The following F7 variants were observed in gnomAD, a reference collection of about 807,000 sequenced individuals.
F7 encodes the protein coagulation factor VII.
In F7, 38 loss-of-function variants were observed where a neutral mutation model predicts 47.5. The ratio of observed to expected loss-of-function variants is 0.80; its 90% CI spans 0.62 to 1.05. The LOEUF is 1.05. Among genes scored for constraint, F7 ranks in the 50% least tolerant of loss-of-function variants. The pLI is 0.00. For missense variants in F7, 575 were observed against 605.4 expected, an observed-to-expected ratio of 0.95 and a Z score of 0.53; for synonymous variants, 244 against 258.5, an observed-to-expected ratio of 0.94 and a Z score of 0.54.
chr13:113,110,438 G>C, intron 1 of F7: 1 of 451,370 alleles, frequency 2.2e-6, no homozygotes, highest in South Asian at 3.1e-5. Flanking sequence ...CGGCTTCCGC[G>C]CGTGCCCCCG....
chr13:113,107,919 G>A (rs2035999946), intron 1 of F7, among the ~76,000 whole-genome samples: 1 of 97,002 alleles, frequency 1.0e-5, no homozygotes, highest in Admixed American at 1.1e-4. Context: ...AGTGTCCCAG[G>A]GGCGTGGGTG....
Position 113,113,162 on chromosome 13 carries a change from A to C in F7, c.226-590A>C, listed in dbSNP as rs1595074739. Among the ~76,000 whole-genome samples, 2 of 152,034 alleles carry C rather than the reference A, an allele frequency of 1.3e-5. No individual in the cohort carries two copies. The highest frequency in any genetic ancestry group is 4.2e-4 in the South Asian group (2 of 4,806). The stretch of plus-strand genomic sequence containing the variant: ...ACTCAGGACACCTCATGCTCAAAGA[A>C]GCCTCACACTCACAGGAGGTCCAGC... On this transcript the variant is annotated intron_variant, in intron 2 of 7. Coordinates refer to ENST00000346342, the MANE Select transcript of F7 (RefSeq NM_019616.4). The surrounding 1 kb of genome is among the most constrained non-coding windows in gnomAD (Gnocchi z 4.1).
Position 113,113,706 on chromosome 13 carries a change from T to A in F7, c.226-46T>A. 6.3e-7 allele frequency: 1 copy of A among 1,580,558 alleles called. No individual in the cohort carries two copies. Among genetic ancestry groups the A allele is most frequent in the Non-Finnish European group, 8.7e-7 (1 of 1,149,368 alleles). On this transcript the variant is annotated intron_variant, in intron 2 of 7. Coordinates refer to ENST00000346342, the MANE Select transcript of F7 (RefSeq NM_019616.4). This position sits in a 1 kb window ranked among gnomAD's most constrained non-coding sequence, Gnocchi z 4.1. ...GTGTCCAGTGCTTACCGTTGGGTGC[T>A]CTGGTGAAGGTGCATCTCACGAGGC... is the stretch of plus-strand genomic sequence containing the variant.
intron 6 of F7, chr13:113,117,129 C>T (rs1296658815): frequency 1.3e-5 from 8 of 617,466 alleles, no homozygotes; most frequent in Non-Finnish European, 1.7e-5. Context: ...CGAGTTGTCA[C>T]GTCGTCCTCA....
intron 1 of F7, 151 bp downstream of exon 1, chr13:113,106,056 TC>T: frequency 1.6e-6 from 1 of 637,812 alleles, no homozygotes; most frequent in South Asian, 2.2e-5. Flanking sequence ...TTTCTTTCCT[TC>T]TAGAAACCAG....
chr13:113,106,641 G>A (rs1267636563), intron 1 of F7, among the ~76,000 whole-genome samples: 1 of 127,984 alleles, frequency 7.8e-6, no homozygotes, highest in Admixed American at 7.7e-5. Flanking sequence ...TGGGGATGGC[G>A]AGTGGGGCTG....
At chr13:113,106,230 G>C (rs1446867845) in intron 1 of F7, among the ~76,000 whole-genome samples, 3 of 139,124 alleles carry the variant, frequency 2.2e-5, no homozygotes, top group South Asian at 5.1e-4. Flanking sequence ...AGTGCAGGAA[G>C]TGCGCACAGG....
At chr13:113,106,870 A>G in intron 1 of F7, 1 of 1,606,582 alleles carries the variant, frequency 6.2e-7, no homozygotes, top group South Asian at 1.1e-5. Flanking sequence ...CCTCAGGAGG[A>G]GAAACACGGG....
At chr13:113,106,941 G>A (rs1156725926) in intron 1 of F7, 1 of 1,576,568 alleles carries the variant, frequency 6.3e-7, no homozygotes, top group Admixed American at 1.8e-5. Context: ...GTTTTGTCCT[G>A]GGGCCCAGTG....
chr13:113,116,736 C>G, intron 5 of F7, 30 bp from the exon 6 acceptor site: 1 of 1,502,180 alleles, frequency 6.7e-7, no homozygotes, highest in South Asian at 1.1e-5. Context: ...TCACAAATCT[C>G]TGCATCTTTC....
rs1431978936 is a variant in F7 at position 113,117,526 on chromosome 13, C to T, written c.669C>T (p.Thr223=). The T allele has an allele frequency of 6.2e-7, 1 of 1,614,190 alleles. No homozygotes were observed. ...AQLCGGTLIN[T]IWVVSAAHCF... ...TGTGTGGGGGGACCCTGATCAACAC[C>T]ATCTGGGTGGTCTCCGCGGCCCACT... is the stretch of plus-strand genomic sequence containing the variant. Residue 223 remains threonine, a synonymous_variant, in exon 7 of 8, where the codon ACC becomes ACT. Coordinates refer to ENST00000346342, the MANE Select transcript of F7 (RefSeq NM_019616.4).
At chr13:113,116,732 A>G (rs1193883745) in intron 5 of F7, 34 bp from the exon 6 acceptor site, 2 of 1,494,092 alleles carry the variant, frequency 1.3e-6, no homozygotes, top group Admixed American at 1.7e-5. Context: ...TCCCTCACAA[A>G]TCTCTGCATC....
Position 113,113,800 on chromosome 13 carries a change from C to G in F7, c.250+24C>G. 6.2e-7 allele frequency: 1 copy of G among 1,614,208 alleles called. No homozygotes were observed. Among genetic ancestry groups the G allele is most frequent in the Admixed American group, 1.7e-5 (1 of 60,034 alleles). On this transcript the variant is annotated intron_variant, in intron 3 of 7. Transcript: ENST00000346342. The surrounding 1 kb of genome is among the most constrained non-coding windows in gnomAD (Gnocchi z 4.1). ...TGGTGAGTGGATGATCACCACCAGT[C>G]CTGCCTGCAACCCTTCTCAGCTTAC... is the stretch of plus-strand genomic sequence containing the variant.
rs901757292 is a variant in F7 at position 113,117,418 on chromosome 13, A to G, written c.616-55A>G. The G allele has an allele frequency of 2.6e-5, 42 of 1,606,788 alleles. No homozygotes were observed. The Middle Eastern group carries it at 5.0e-4, about 19-fold the overall frequency. ...CTTGGCATGCCCGGGAGGGCGAGTC[A>G]TCAGAGAAACAATGACAGCAATGTG... is the stretch of plus-strand genomic sequence containing the variant. On this transcript the variant is annotated intron_variant, in intron 6 of 7. Coordinates refer to ENST00000346342, the MANE Select transcript of F7 (RefSeq NM_019616.4).
At chr13:113,116,219 A>G (rs1417074669) in intron 5 of F7, among the ~76,000 whole-genome samples, 3 of 152,204 alleles carry the variant, frequency 2.0e-5, no homozygotes, top group Admixed American at 2.0e-4. Flanking sequence ...CCAGCCTGGA[A>G]CGAATGGGCT....
intron 1 of F7, chr13:113,110,460 G>A (rs1456592996): frequency 3.9e-5 from 20 of 506,414 alleles, no homozygotes; most frequent in East Asian, 1.1e-4. Flanking sequence ...GCGCGCCCTC[G>A]GGATCAGCCC....
At chr13:113,107,016 T>C in intron 1 of F7, 1 of 1,292,294 alleles carries the variant, frequency 7.7e-7, no homozygotes, top group Non-Finnish European at 1.1e-6. Context: ...GCTACTGCAG[T>C]GCCCCCCAAG....
At position 113,108,308 on chromosome 13, in the gene F7, C is replaced by T. The variant is rs981058133; in HGVS notation, c.65-2382C>T. On this transcript the variant is annotated intron_variant, in intron 1 of 7. Coordinates refer to ENST00000346342, the MANE Select transcript of F7 (RefSeq NM_019616.4). ...GGGTGTCCCGGGAGTGTGGGTGTTCCGGAGGCGAGGGTGTCCCGGGAGTGT... is the reference window on the plus strand; with the variant it reads ...GGGTGTCCCGGGAGTGTGGGTGTTCTGGAGGCGAGGGTGTCCCGGGAGTGT... 3.1e-3 allele frequency among the ~76,000 whole-genome samples: 228 copies of T among 72,938 alleles called. 13 individuals carry two copies. Among genetic ancestry groups the T allele is most frequent in the South Asian group, 0.011 (17 of 1,506 alleles). 47.9% of individuals were successfully genotyped at this position (72,938 alleles called of 152,430 possible).
chr13:113,118,773 G>C lies in F7; in HGVS notation c.1100G>C (p.Cys367Ser). The C allele has an allele frequency of 6.2e-7, 1 of 1,613,234 alleles. No homozygotes were observed. Among genetic ancestry groups the C allele is most frequent in the South Asian group, 1.1e-5 (1 of 91,070 alleles). ...DSPNITEYMFCAGYSDGSKDS... is the reference protein window; with the variant it reads ...DSPNITEYMFSAGYSDGSKDS... ...CCAAATATCACGGAGTACATGTTCT[G>C]TGCCGGCTACTCGGATGGCAGCAAG... Residue 367 changes from cysteine to serine, a missense_variant, in exon 8 of 8, where the codon TGT becomes TCT. Transcript: ENST00000346342.
Sources: gnomAD v4.1 joint callset for allele counts (sites outside exome capture counted in the v4.1 genomes callset) on GRCh38, gnomAD v4.1.1 for gene constraint, Gnocchi (gnomAD v3.1) non-coding constraint, MANE v1.5 for transcripts, NCBI Gene and HGNC (gene_info 2026-07-23, HGNC 2026-07-21) for gene names.